Variants in HECTD2 observed in about 807,000 individuals in gnomAD.
HECTD2 encodes the protein probable E3 ubiquitin-protein ligase HECTD2.
Under a neutral mutation model 103.2 loss-of-function variants are expected in HECTD2, and 35 were observed. That is an observed-to-expected ratio of 0.34 (90% CI 0.26 to 0.45). The LOEUF (loss-of-function observed/expected upper bound fraction) is 0.45. Among genes scored for constraint, HECTD2 ranks in the 20% least tolerant of loss-of-function variants. The pLI is 1.00. For synonymous variants in HECTD2, 281 were observed against 329.9 expected, an observed-to-expected ratio of 0.85 and a Z score of 1.61; for missense variants, 596 against 937.4, an observed-to-expected ratio of 0.64 and a Z score of 4.76.
At chr10:91,454,686 A>G (rs1844993567) in intron 2 of HECTD2, among the ~76,000 whole-genome samples, 1 of 152,012 alleles carries the variant, frequency 6.6e-6, no homozygotes, top group Admixed American at 6.6e-5. Flanking sequence ...CGTCATTTAC[A>G]TTAGGTATAT....
intron 20 of HECTD2, among the ~76,000 whole-genome samples, chr10:91,508,387 A>G (rs1847280313): frequency 6.6e-6 from 1 of 150,764 alleles, no homozygotes; most frequent in Non-Finnish European, 1.5e-5. Context: ...ACAAAGGGCT[A>G]ATATCCAGAA....
At chr10:91,410,722 G>T (rs1335975423) in intron 1 of HECTD2, 146 bp downstream of exon 1, 4 of 735,400 alleles carry the variant, frequency 5.4e-6, no homozygotes, top group Non-Finnish European at 7.6e-6. Context: ...CCCTTCCTTG[G>T]GCAGAAATAA....
chr10:91,506,765 C>T (rs1160398466), intron 20 of HECTD2, among the ~76,000 whole-genome samples: 1 of 152,032 alleles, frequency 6.6e-6, no homozygotes, highest in African/African-American at 2.4e-5. Context: ...TCCTCCCTAA[C>T]TCATTTTATG....
chr10:91,444,430 G>A (rs751702096), intron 2 of HECTD2, among the ~76,000 whole-genome samples: 21 of 152,108 alleles, frequency 1.4e-4, no homozygotes, highest in Admixed American at 3.3e-4. Context: ...GCCCAGATGG[G>A]ATTTATTTTT....
chr10:91,450,281 T>A (rs934021213), intron 2 of HECTD2, among the ~76,000 whole-genome samples: 1 of 152,162 alleles, frequency 6.6e-6, no homozygotes, highest in Non-Finnish European at 1.5e-5. Context: ...GGGAAAGGAT[T>A]CCCTATTTAA....
chr10:91,482,141 T>C (rs1846110408), intron 7 of HECTD2, among the ~76,000 whole-genome samples: 1 of 151,918 alleles, frequency 6.6e-6, no homozygotes, highest in South Asian at 2.1e-4. Context: ...TCTGCTCATA[T>C]TTTGTTCTTC....
Position 91,492,453 on chromosome 10 carries a change from T to G in HECTD2, c.1401T>G (p.Leu467=). 3 of 1,612,110 alleles carry G rather than the reference T, an allele frequency of 1.9e-6. No individual in the cohort carries two copies. Among genetic ancestry groups the G allele is most frequent in the Non-Finnish European group, 2.5e-6 (3 of 1,178,370 alleles). The part of the protein sequence containing the change: ...MGGLTKEWFL[L]LIRQIFHPDY... ...GTTTGACTAAAGAATGGTTCCTTCT[T>G]CTAATTCGCCAAATTTTTCATCCAG... The change falls in exon 13 of 21, where the codon CTT becomes CTG. Residue 467 remains leucine, a synonymous_variant. Transcript: ENST00000298068.
chr10:91,410,926 G>A (rs1259303596), intron 1 of HECTD2, among the ~76,000 whole-genome samples: 1 of 152,194 alleles, frequency 6.6e-6, no homozygotes, highest in East Asian at 1.9e-4. Context: ...TCAGCAGGCG[G>A]GAGTGGGTTT....
In HECTD2 at chr10:91,501,247, A is replaced by C. The variant is rs1055208138; in HGVS notation, c.2123A>C (p.His708Pro). Residue 708 changes from histidine (H) to proline (P), a missense_variant, in exon 20 of 21, where the codon CAT (histidine) becomes CCT (proline). Physicochemically the swap from His to Pro is moderately conservative, Grantham distance 77 (BLOSUM62 -2). This residue lies in a region of HECTD2 where 69 missense variants were observed against 153.8 expected (regional missense o/e 0.45). Transcript: ENST00000298068. ...CTTGATCTTCAAAAGAAGTTGCTAC[A>C]TTTTACTACAGGGAGTGACAGAGTA... The part of the protein sequence containing the change: ...FPLDLQKKLL[H>P]FTTGSDRVPV... The C allele has an allele frequency of 6.2e-7, 1 of 1,610,374 alleles. No individual in the cohort carries two copies. Among genetic ancestry groups the C allele is most frequent in the African/African-American group, 1.3e-5 (1 of 74,812 alleles).
chr10:91,430,627 T>G (rs1843816072), intron 2 of HECTD2, among the ~76,000 whole-genome samples: 1 of 152,176 alleles, frequency 6.6e-6, no homozygotes, highest in Non-Finnish European at 1.5e-5. Flanking sequence ...CCTTTACCAT[T>G]ATGTAATGGC....
intron 18 of HECTD2, 128 bp from the exon 19 acceptor site, chr10:91,500,374 T>TGA: frequency 2.4e-6 from 1 of 420,438 alleles, no homozygotes; most frequent in Non-Finnish European, 4.4e-6. Flanking sequence ...CGATTTTTCT[T>TGA]CAACAAAAAT....
intron 2 of HECTD2, among the ~76,000 whole-genome samples, chr10:91,439,109 T>C (rs1165776720): frequency 1.3e-5 from 2 of 152,226 alleles, no homozygotes; most frequent in Non-Finnish European, 2.9e-5. Context: ...TTTTGGCTTT[T>C]GTTACCATTG....
intron 8 of HECTD2, among the ~76,000 whole-genome samples, 171 bp downstream of exon 8, chr10:91,483,247 G>T (rs1203148970): frequency 6.6e-6 from 1 of 151,910 alleles, no homozygotes; most frequent in Admixed American, 6.6e-5. Flanking sequence ...CTACATAAAG[G>T]ATAATTAAAA....
In HECTD2 at chr10:91,493,516, T is replaced by G; in HGVS notation, c.1521+8T>G. On this transcript the variant is annotated splice_region_variant and intron_variant, in intron 14 of 20. Coordinates refer to ENST00000298068, the MANE Select transcript of HECTD2 (RefSeq NM_182765.6). Reference sequence around the variant, plus strand: ...TTCCGATTGGTTGGAATTGTATCCTTTAAACTTTCCACTAGGAGGTGCTAA... The same window carrying G: ...TTCCGATTGGTTGGAATTGTATCCTGTAAACTTTCCACTAGGAGGTGCTAA... The G allele has an allele frequency of 6.9e-7, 1 of 1,453,376 alleles. No homozygotes were observed. Among genetic ancestry groups the G allele is most frequent in the Non-Finnish European group, 9.4e-7 (1 of 1,068,500 alleles). 90.0% of individuals were successfully genotyped at this position (1,453,376 alleles called of 1,614,324 possible). A position where few individuals can be genotyped will look rare whatever the true frequency, so the allele number is the denominator to read the frequency against.
At chr10:91,498,717 T>C (rs1846777037) in intron 16 of HECTD2, among the ~76,000 whole-genome samples, 155 bp from the exon 17 acceptor site, 1 of 152,210 alleles carries the variant, frequency 6.6e-6, no homozygotes. Flanking sequence ...TGATCCCTCG[T>C]TCTTAATACA....
At chr10:91,492,886 GAATT>G (rs1478767390) in intron 13 of HECTD2, among the ~76,000 whole-genome samples, 2 of 151,836 alleles carry the variant, frequency 1.3e-5, no homozygotes, top group Admixed American at 6.6e-5. Flanking sequence ...AAGAATTCAT[GAATT>G]AATTTTTTAA....
chr10:91,440,700 C>G (rs985969186), intron 2 of HECTD2, among the ~76,000 whole-genome samples: 2 of 94,734 alleles, frequency 2.1e-5, no homozygotes, highest in Non-Finnish European at 4.3e-5. Flanking sequence ...GTCAATCTGT[C>G]TGGTCCTGGG....
intron 1 of HECTD2, among the ~76,000 whole-genome samples, chr10:91,413,907 A>T (rs1031968342): frequency 2.0e-5 from 3 of 152,226 alleles, no homozygotes; most frequent in Admixed American, 6.5e-5. Context: ...ATGGAGTCAA[A>T]CAGAATAAAG....
intron 1 of HECTD2, among the ~76,000 whole-genome samples, chr10:91,420,351 C>T (rs899876912): frequency 2.0e-5 from 3 of 150,308 alleles, no homozygotes; most frequent in Admixed American, 6.6e-5. Flanking sequence ...TTTGGGAGGC[C>T]GAGGCAGGTA....
Sources: allele counts gnomAD v4.1 joint callset (sites outside exome capture counted in the v4.1 genomes callset), GRCh38; gene constraint gnomAD v4.1.1; regional missense constraint gnomAD v4.1.1; transcripts MANE v1.5; gene names NCBI Gene and HGNC (gene_info 2026-07-23, HGNC 2026-07-21).